The following PPP1R9A variants were observed in gnomAD, a reference collection of about 807,000 sequenced individuals.
The protein encoded by PPP1R9A is protein phosphatase 1 regulatory subunit 9A, also known as neurabin-1.
A neutral mutation model predicts 141.9 loss-of-function variants in PPP1R9A; 59 were observed. That is an observed-to-expected ratio of 0.42 (90% confidence interval 0.34 to 0.52). The LOEUF (loss-of-function observed/expected upper bound fraction) is 0.52, where lower values mean the gene tolerates loss of function less well. PPP1R9A is among the 20% of genes least tolerant of loss of function. PPP1R9A has a pLI of 0.10. For missense variants in PPP1R9A, 1,444 were observed against 1,611.9 expected (o/e 0.90, Z 1.78); for synonymous variants, 500 against 569.7 (o/e 0.88, Z 1.74).
Position 95,160,371 on chromosome 7 carries a change from A to G in PPP1R9A, c.1650-1496A>G, listed in dbSNP as rs1585012787. ...TCTGGATCTCTTATGTTTTATGTAC[A>G]GTTATTAAGGACAAAAATGATATAA... On this transcript the variant is annotated intron_variant, in intron 4 of 19. Coordinates refer to ENST00000433360, the MANE Select transcript of PPP1R9A (RefSeq NM_001166160.2). Among the ~76,000 whole-genome samples, 3 of 152,334 alleles carry G rather than the reference A, an allele frequency of 2.0e-5. No individual in the cohort carries two copies. The East Asian group carries it at 5.8e-4, about 29-fold the overall frequency.
In PPP1R9A at chr7:95,269,485, C is replaced by T; in HGVS notation, c.3102C>T (p.Asn1034=). The change falls in exon 14 of 20, where the codon AAC becomes AAT. Residue 1034 remains asparagine (N), a synonymous_variant. Transcript: ENST00000433360. ...CTCCTTGCCATCACCAAACCACCAA[C>T]AAGAAAATATTACGAGAAAAAGGTA... ...EESPCHHQTT[N]KKILREKDDA... The T allele has an allele frequency of 6.3e-7, 1 of 1,578,948 alleles. No individual in the cohort carries two copies. Among genetic ancestry groups the T allele is most frequent in the Non-Finnish European group, 8.6e-7 (1 of 1,162,774 alleles).
At position 95,236,277 on chromosome 7, in the gene PPP1R9A, C is replaced by T. The variant is rs184354321; in HGVS notation, c.2112+10161C>T. Among the ~76,000 whole-genome samples, 251 of 151,974 alleles carry T rather than the reference C, an allele frequency of 1.7e-3. 2 individuals are homozygous for T. The highest frequency in any genetic ancestry group is 5.7e-3 in the African/African-American group (235 of 41,466). ...ATGATGTAGATAAGATAGAAAGTTCCGTTCCTGGAAGTTTGTTATTATTCA... is the reference window on the plus strand; with the variant it reads ...ATGATGTAGATAAGATAGAAAGTTCTGTTCCTGGAAGTTTGTTATTATTCA... On this transcript the variant is annotated intron_variant, in intron 8 of 19. Coordinates refer to ENST00000433360, the MANE Select transcript of PPP1R9A (RefSeq NM_001166160.2).
At chr7:95,249,985 A>T in intron 9 of PPP1R9A, 41 bp from the exon 10 acceptor site, 1 of 1,510,600 alleles carries the variant, frequency 6.6e-7, no homozygotes, top group Non-Finnish European at 8.8e-7. Context: ...TTGCCACAAA[A>T]GTGGCCAAAT....
chr7:95,216,726 C>G (rs983495019), intron 7 of PPP1R9A, among the ~76,000 whole-genome samples: 3 of 152,016 alleles, frequency 2.0e-5, no homozygotes, highest in Non-Finnish European at 4.4e-5. Flanking sequence ...TCTCTTTGAA[C>G]CAATTGTGAA....
At chr7:94,965,528 T>G (rs1169118898) in intron 2 of PPP1R9A, among the ~76,000 whole-genome samples, 1 of 152,222 alleles carries the variant, frequency 6.6e-6, no homozygotes, top group Non-Finnish European at 1.5e-5. Flanking sequence ...AGTTTCAGTT[T>G]TCTGCTTATG....
chr7:95,087,363 G>T (rs1316513908), intron 2 of PPP1R9A, among the ~76,000 whole-genome samples: 1 of 151,956 alleles, frequency 6.6e-6, no homozygotes, highest in Admixed American at 6.5e-5. Flanking sequence ...TCAGTTTTAA[G>T]AATTGTAGCT....
intron 5 of PPP1R9A, among the ~76,000 whole-genome samples, chr7:95,189,852 T>G (rs571224767): frequency 6.6e-6 from 1 of 152,206 alleles, no homozygotes; most frequent in Admixed American, 6.5e-5. Context: ...AATTTTCCAG[T>G]GCCTTTTTTT....
At chr7:95,147,867 C>T (rs1827925426) in intron 4 of PPP1R9A, among the ~76,000 whole-genome samples, 1 of 152,058 alleles carries the variant, frequency 6.6e-6, no homozygotes, top group African/African-American at 2.4e-5. Context: ...TGATGGATAA[C>T]TTTTTTGATG....
At chr7:95,186,294 G>A (rs977270182) in intron 5 of PPP1R9A, among the ~76,000 whole-genome samples, 4 of 152,028 alleles carry the variant, frequency 2.6e-5, no homozygotes. Context: ...AAAAGGTTGA[G>A]TTCTTGATTT....
Position 95,111,351 on chromosome 7 carries a change from T to G in PPP1R9A, c.1488T>G (p.Arg496=). The change falls in exon 3 of 20, where the codon CGT becomes CGG. Residue 496 remains arginine (R), a synonymous_variant. Transcript: ENST00000433360. ...CAGCTGAGTATGAACTTGAAAAACGTGTAGAAAAGCTGGAACTTTTCCCAG... is the reference window on the plus strand; with the variant it reads ...CAGCTGAGTATGAACTTGAAAAACGGGTAGAAAAGCTGGAACTTTTCCCAG... ...AASAEYELEK[R]VEKLELFPVE... The G allele has an allele frequency of 6.2e-7, 1 of 1,613,842 alleles. No individual in the cohort carries two copies. The highest frequency in any genetic ancestry group is 8.5e-7 in the Non-Finnish European group (1 of 1,179,812).
chr7:95,141,198 A>T (rs1461667325), intron 4 of PPP1R9A, among the ~76,000 whole-genome samples: 1 of 152,228 alleles, frequency 6.6e-6, no homozygotes, highest in Non-Finnish European at 1.5e-5. Context: ...ATAATCTAGG[A>T]TGAAAATACC....
intron 7 of PPP1R9A, among the ~76,000 whole-genome samples, chr7:95,216,324 T>A (rs1253168412): frequency 6.6e-6 from 1 of 152,204 alleles, no homozygotes; most frequent in Non-Finnish European, 1.5e-5. Flanking sequence ...CATTGGTCTA[T>A]ATGTCTGTTT....
chr7:95,195,635 T>G (rs1423768172), intron 5 of PPP1R9A, among the ~76,000 whole-genome samples: 1 of 151,798 alleles, frequency 6.6e-6, no homozygotes, highest in Non-Finnish European at 1.5e-5. Context: ...ATTTAAAAAA[T>G]GAAAAAGCAA....
chr7:94,924,256 T>C (rs955811142), intron 2 of PPP1R9A, among the ~76,000 whole-genome samples: 5 of 152,218 alleles, frequency 3.3e-5, no homozygotes, highest in Non-Finnish European at 5.9e-5. Flanking sequence ...TATCTTTTTT[T>C]AGTTAATCAT....
At chr7:95,288,499 G>T in intron 18 of PPP1R9A, 37 bp from the exon 19 acceptor site, 3 of 1,602,418 alleles carry the variant, frequency 1.9e-6, no homozygotes, top group East Asian at 4.5e-5. Context: ...ATAGTATCTT[G>T]GTCCTTTAAC....
At chr7:95,095,402 C>T (rs1420311338) in intron 2 of PPP1R9A, among the ~76,000 whole-genome samples, 1 of 152,170 alleles carries the variant, frequency 6.6e-6, no homozygotes, top group Non-Finnish European at 1.5e-5. Context: ...TAATCCTATA[C>T]TAACGGAAGT....
intron 2 of PPP1R9A, among the ~76,000 whole-genome samples, chr7:94,925,763 T>G (rs1392120811): frequency 6.6e-6 from 1 of 152,070 alleles, no homozygotes; most frequent in African/African-American, 2.4e-5. Context: ...ATCTCTGCCC[T>G]TTCTCCTTCC....
At chr7:95,279,475 A>G (rs1803768025) in intron 16 of PPP1R9A, among the ~76,000 whole-genome samples, 2 of 152,192 alleles carry the variant, frequency 1.3e-5, no homozygotes, top group Non-Finnish European at 2.9e-5. Flanking sequence ...AGTAGATCGG[A>G]CTTATTCCCC....
chr7:95,098,696 A>G (rs1215173323), intron 2 of PPP1R9A, among the ~76,000 whole-genome samples: 2 of 152,124 alleles, frequency 1.3e-5, no homozygotes, highest in Admixed American at 6.5e-5. Flanking sequence ...GACCTCCTTG[A>G]ATGAACAGTT....
Sources: gnomAD v4.1 joint callset for allele counts (sites outside exome capture counted in the v4.1 genomes callset) on GRCh38, gnomAD v4.1.1 for gene constraint, MANE v1.5 for transcripts, NCBI Gene and HGNC (gene_info 2026-07-23, HGNC 2026-07-21) for gene names.